The following PAOX variants were observed in gnomAD, a reference collection of about 807,000 sequenced individuals.
PAOX encodes the protein peroxisomal N(1)-acetyl-spermine/spermidine oxidase.
A neutral mutation model predicts 39.0 loss-of-function variants in PAOX; 38 were observed. That is an observed-to-expected ratio of 0.97 (90% CI 0.75 to 1.28). The LOEUF is 1.28. PAOX is among the 50% of genes most tolerant of loss of function. The pLI is 0.00. For synonymous variants in PAOX, 311 were observed against 314.4 expected (o/e 0.99, Z 0.11); for missense variants, 667 against 685.7 (o/e 0.97, Z 0.30).
rs1456922956 is a variant in PAOX at position 133,384,160 on chromosome 10, C to A, written c.1069C>A (p.Gln357Lys). 2 of 1,614,074 alleles carry A rather than the reference C, an allele frequency of 1.2e-6. No individual in the cohort carries two copies. The highest frequency in any genetic ancestry group is 2.7e-5 in the African/African-American group (2 of 74,946). ...CCTGGAGGATGCTGCCCCTGAGCTACAGGACGCCTGGTTCCGGAAGCTCAT... is the reference window on the plus strand; with the variant it reads ...CCTGGAGGATGCTGCCCCTGAGCTAAAGGACGCCTGGTTCCGGAAGCTCAT... ...SPLEDAAPEL[Q>K]DAWFRKLIGF... The change falls in exon 4 of 7, where the codon CAG becomes AAG. Residue 357 changes from glutamine (Q) to lysine (K), a missense_variant. Gln to Lys is a moderately conservative substitution (Grantham distance 53). Transcript: ENST00000278060. The surrounding 1 kb of genome is among the most constrained non-coding windows in gnomAD (Gnocchi z 4.3).
Position 133,379,404 on chromosome 10 carries a change from C to T in PAOX, c.88C>T (p.Gln30Ter), listed in dbSNP as rs1419759527. The T allele has an allele frequency of 8.2e-7, 1 of 1,222,960 alleles. No homozygotes were observed. The allele number at this position is 1,222,960 out of a possible 1,614,324, so 75.8% of individuals were successfully genotyped here. ...GGGIAGLGAA[Q>*]RLCGHSAFPH... ...CGGCATCGCGGGGCTGGGCGCGGCG[C>T]AGAGGCTCTGCGGCCACTCCGCCTT... Residue 30 changes from glutamine (Q) to a stop codon, truncating the protein, a stop_gained, in exon 1 of 7, where the codon CAG becomes TAG. Coordinates refer to ENST00000278060, the MANE Select transcript of PAOX (RefSeq NM_152911.4). LOFTEE classifies it high-confidence loss of function.
rs1052590659 is a variant in PAOX at position 133,379,340 on chromosome 10, G to A, written c.24G>A (p.Gly8=). The A allele has an allele frequency of 1.2e-5, 15 of 1,218,244 alleles. No individual in the cohort carries two copies. Among genetic ancestry groups the A allele is most frequent in the African/African-American group, 4.7e-5 (3 of 63,532 alleles). The allele number at this position is 1,218,244 out of a possible 1,614,324, so 75.5% of individuals were successfully genotyped here. A position where few individuals can be genotyped will look rare whatever the true frequency, so the allele number is the denominator to read the frequency against. ...CGATGGAGTCGACCGGCAGCGTCGG[G>A]GAGGCCCCGGGCGGACCCCGGGTGC... The part of the protein sequence containing the change: MESTGSV[G]EAPGGPRVLV... Residue 8 remains glycine (G), a synonymous_variant, in exon 1 of 7, where the codon GGG becomes GGA. Transcript: ENST00000278060.
At chr10:133,390,800 C>G in intron 6 of PAOX, 1 of 599,926 alleles carries the variant, frequency 1.7e-6, no homozygotes, top group Admixed American at 2.9e-5. Context: ...AGCTTTCTTC[C>G]TCTGCCCACC....
chr10:133,387,760 G>C (rs190163522), intron 4 of PAOX, among the ~76,000 whole-genome samples: 217 of 152,180 alleles, frequency 1.4e-3, no homozygotes, highest in Non-Finnish European at 2.1e-3. Flanking sequence ...TTACTCTGTC[G>C]CCCAGGCTGG....
At chr10:133,385,962 G>T (rs1156797406) in intron 4 of PAOX, among the ~76,000 whole-genome samples, 1 of 151,086 alleles carries the variant, frequency 6.6e-6, no homozygotes, top group Non-Finnish European at 1.5e-5. Flanking sequence ...ATTTTTAAAT[G>T]AATATTTTCT....
In PAOX at chr10:133,379,309, A is replaced by G; in HGVS notation, c.-8A>G. ...ACTCAGAAGCCCTCGGACTGCCCGGACCGCGCGATGGAGTCGACCGGCAGC... is the reference window on the plus strand; with the variant it reads ...ACTCAGAAGCCCTCGGACTGCCCGGGCCGCGCGATGGAGTCGACCGGCAGC... On this transcript the variant is annotated 5_prime_UTR_variant, in exon 1 of 7. Coordinates refer to ENST00000278060, the MANE Select transcript of PAOX (RefSeq NM_152911.4). 1 of 1,212,472 alleles carries G rather than the reference A, an allele frequency of 8.2e-7. No individual in the cohort carries two copies. Among genetic ancestry groups the G allele is most frequent in the South Asian group, 4.2e-5 (1 of 23,876 alleles). 75.1% of individuals were successfully genotyped at this position (1,212,472 alleles called of 1,614,324 possible). A position where few individuals can be genotyped will look rare whatever the true frequency, so the allele number is the denominator to read the frequency against.
At position 133,386,693 on chromosome 10, in the gene PAOX, C is replaced by T. The variant is rs551946362; in HGVS notation, c.1122-2263C>T. On this transcript the variant is annotated intron_variant, in intron 4 of 6. Transcript: ENST00000278060. ...TTCTCCATGTTGGTCAGGCTGGTCT[C>T]GAACTCCTGACCTCAAGTGATCTGC... Among the ~76,000 whole-genome samples the T allele has an allele frequency of 2.2e-4, 34 of 152,046 alleles. No homozygotes were observed. The South Asian group carries it at 6.2e-3, about 28-fold the overall frequency.
chr10:133,385,511 T>C (rs1036798027), intron 4 of PAOX, among the ~76,000 whole-genome samples: 4 of 152,168 alleles, frequency 2.6e-5, no homozygotes, highest in African/African-American at 9.7e-5. Context: ...TTTATATACC[T>C]GCAAAGGGTT....
chr10:133,379,979 C>T lies in PAOX; in HGVS notation c.182-20C>T. 2 of 1,506,066 alleles carry T rather than the reference C, an allele frequency of 1.3e-6. No homozygotes were observed. The highest frequency in any genetic ancestry group is 4.5e-5 in the East Asian group (2 of 44,032). The allele number at this position is 1,506,066 out of a possible 1,614,324, so 93.3% of individuals were successfully genotyped here. A position where few individuals can be genotyped will look rare whatever the true frequency, so the allele number is the denominator to read the frequency against. ...TTCTAGGAAAGGGACCTCCAGGTGG[C>T]ATCTGCTGTCCCCTCGCAGGTGGCG... On this transcript the variant is annotated intron_variant, in intron 1 of 6. Transcript: ENST00000278060.
chr10:133,389,500 T>G (rs1849612180), intron 5 of PAOX, 90 bp from the exon 6 acceptor site: 1 of 1,567,236 alleles, frequency 6.4e-7, no homozygotes, highest in African/African-American at 1.4e-5. Context: ...ATCTTTCACG[T>G]TAAACTGCTC....
In PAOX at chr10:133,389,721, C is replaced by T; in HGVS notation, c.1366C>T (p.Leu456Phe). The T allele has an allele frequency of 3.2e-6, 5 of 1,569,310 alleles. No individual in the cohort carries two copies. The highest frequency in any genetic ancestry group is 4.3e-6 in the Non-Finnish European group (5 of 1,155,020). ...CGACCTGGACCTGCTGGCTCAGCCCCTCCCTGCAGACGGCGCCGGCGCCCA... is the reference window on the plus strand; with the variant it reads ...CGACCTGGACCTGCTGGCTCAGCCCTTCCCTGCAGACGGCGCCGGCGCCCA... ...GGDLDLLAQP[L>F]PADGAGAQLQ... Residue 456 changes from leucine to phenylalanine, a missense_variant, in exon 6 of 7, where the codon CTC becomes TTC. By Grantham distance (22) the Leu-to-Phe change is conservative. Transcript: ENST00000278060.
Position 133,391,669 on chromosome 10 carries a change from G to C in PAOX, c.*214G>C. 1.4e-6 allele frequency: 1 copy of C among 717,122 alleles called. No individual in the cohort carries two copies. The highest frequency in any genetic ancestry group is 2.2e-6 in the Non-Finnish European group (1 of 451,804). 44.4% of individuals were successfully genotyped at this position (717,122 alleles called of 1,614,324 possible). ...ACACCAGATGCTCACGGAGATGCTG[G>C]ACACATAAAGCAAGTTACAGCCACA... is the stretch of plus-strand genomic sequence containing the variant. On this transcript the variant is annotated 3_prime_UTR_variant, in exon 7 of 7. Coordinates refer to ENST00000278060, the MANE Select transcript of PAOX (RefSeq NM_152911.4).
chr10:133,384,063 C>A lies in PAOX; in HGVS notation c.972C>A (p.Phe324Leu). ...KIGFGTNNKI[F>L]LEFEEPFWEP... The stretch of plus-strand genomic sequence containing the variant: ...GCTTTGGGACCAACAACAAAATCTT[C>A]CTGGAGTTTGAGGAGCCCTTCTGGG... Residue 324 changes from phenylalanine (F) to leucine (L), a missense_variant, in exon 4 of 7, where the codon TTC (phenylalanine) becomes TTA (leucine). Coordinates refer to ENST00000278060, the MANE Select transcript of PAOX (RefSeq NM_152911.4). This position sits in a 1 kb window ranked among gnomAD's most constrained non-coding sequence, Gnocchi z 4.3. 6.2e-7 allele frequency: 1 copy of A among 1,614,184 alleles called. No individual in the cohort carries two copies. Among genetic ancestry groups the A allele is most frequent in the Non-Finnish European group, 8.5e-7 (1 of 1,180,020 alleles).
At chr10:133,379,920 G>C in intron 1 of PAOX, 79 bp from the exon 2 acceptor site, 1 of 1,485,348 alleles carries the variant, frequency 6.7e-7, no homozygotes, top group Non-Finnish European at 8.9e-7. Context: ...AGGCCAGCGT[G>C]GGCGTGGCCC....
In PAOX at chr10:133,391,318, A is replaced by C; in HGVS notation, c.1399A>C (p.Ile467Leu). The stretch of plus-strand genomic sequence containing the variant: ...CCCTGGCTCTTCTTTGCAGCTCCAG[A>C]TCCTGTTTGCGGGGGAAGCCACACA... ...PADGAGAQLQILFAGEATHRT... is the reference protein window; with the variant it reads ...PADGAGAQLQLLFAGEATHRT... The change falls in exon 7 of 7, where the codon ATC (isoleucine) becomes CTC (leucine). Residue 467 changes from isoleucine (I) to leucine (L), a missense_variant. Physicochemically the swap from Ile to Leu is conservative, Grantham distance 5. Transcript: ENST00000278060. The C allele has an allele frequency of 1.2e-6, 2 of 1,613,316 alleles. No individual in the cohort carries two copies. Among genetic ancestry groups the C allele is most frequent in the Non-Finnish European group, 1.7e-6 (2 of 1,179,980 alleles).
intron 2 of PAOX, among the ~76,000 whole-genome samples, chr10:133,381,237 T>C (rs11101726): frequency 0.027 from 4,116 of 152,304 alleles, 191 homozygotes; most frequent in African/African-American, 0.094. Context: ...TTGCCTTGAG[T>C]GCTCTGTGCC....
chr10:133,383,934 A>G (rs759241763), intron 3 of PAOX, 26 bp from the exon 4 acceptor site: 4 of 1,602,038 alleles, frequency 2.5e-6, no homozygotes, highest in South Asian at 2.3e-5. Context: ...TATGTGATGT[A>G]AGAAGAGTCC....
At chr10:133,383,820 C>T (rs566839602) in intron 3 of PAOX, 140 bp from the exon 4 acceptor site, 2 of 1,187,218 alleles carry the variant, frequency 1.7e-6, no homozygotes, top group Non-Finnish European at 2.4e-6. Context: ...AAAACAAGGA[C>T]AAAAAAGTAA....
chr10:133,379,294 C>T lies in PAOX; in HGVS notation c.-23C>T, dbSNP rs1849280893. Reference sequence around the variant, plus strand: ...CCAGACCTCCCGGCTACTCAGAAGCCCTCGGACTGCCCGGACCGCGCGATG... The same window carrying T: ...CCAGACCTCCCGGCTACTCAGAAGCTCTCGGACTGCCCGGACCGCGCGATG... On this transcript the variant is annotated 5_prime_UTR_variant, in exon 1 of 7. Transcript: ENST00000278060. 1.6e-6 allele frequency: 2 copies of T among 1,212,830 alleles called. No homozygotes were observed. The highest frequency in any genetic ancestry group is 2.0e-6 in the Non-Finnish European group (2 of 976,400). The allele number at this position is 1,212,830 out of a possible 1,614,324, so 75.1% of individuals were successfully genotyped here. A position where few individuals can be genotyped will look rare whatever the true frequency, so the allele number is the denominator to read the frequency against.
Sources: gnomAD v4.1 joint callset for allele counts (sites outside exome capture counted in the v4.1 genomes callset) on GRCh38, gnomAD v4.1.1 for gene constraint, Gnocchi (gnomAD v3.1) non-coding constraint, MANE v1.5 for transcripts, NCBI Gene and HGNC (gene_info 2026-07-23, HGNC 2026-07-21) for gene names.